PPP1R12B: variants seen among roughly 807,000 people sequenced by gnomAD.
PPP1R12B encodes the protein myosin phosphatase target subunit 2.
Under a neutral mutation model 126.1 loss-of-function variants are expected in PPP1R12B, and 76 were observed. The observed-to-expected ratio is 0.60, with a 90% CI of 0.50 to 0.73. The LOEUF is 0.73. Among genes scored for constraint, PPP1R12B ranks in the 30% least tolerant of loss-of-function variants. The pLI, the probability that PPP1R12B is intolerant of heterozygous loss-of-function variation, is 0.00. For synonymous variants in PPP1R12B, 356 were observed against 434.7 expected (o/e 0.82, Z 2.25); for missense variants, 1,052 against 1,205.1 (o/e 0.87, Z 1.88).
At chr1:202,414,955 A>G (rs891056871) in intron 1 of PPP1R12B, among the ~76,000 whole-genome samples, 6 of 151,844 alleles carry the variant, frequency 4.0e-5, no homozygotes, top group Admixed American at 1.3e-4. Flanking sequence ...GCTAATTTTT[A>G]ATTTTTTTGC....
chr1:202,429,936 A>C (rs915850928), intron 6 of PPP1R12B, among the ~76,000 whole-genome samples: 2 of 152,238 alleles, frequency 1.3e-5, no homozygotes, highest in African/African-American at 4.8e-5. Context: ...AGTCACATAC[A>C]TAAAACTCAT....
At chr1:202,386,812 A>AC (rs1444633215) in intron 1 of PPP1R12B, among the ~76,000 whole-genome samples, 2 of 151,938 alleles carry the variant, frequency 1.3e-5, no homozygotes, top group Non-Finnish European at 2.9e-5. Flanking sequence ...GCTAGTCTTC[A>AC]TGAAGGCCAT....
chr1:202,564,055 G>A (rs1022766496), intron 20 of PPP1R12B, among the ~76,000 whole-genome samples: 1 of 152,192 alleles, frequency 6.6e-6, no homozygotes, highest in Non-Finnish European at 1.5e-5. Flanking sequence ...GCAAGACCCT[G>A]TCTCCAAAGG....
chr1:202,572,692 CT>C (rs1485382345), intron 23 of PPP1R12B, among the ~76,000 whole-genome samples: 1 of 152,186 alleles, frequency 6.6e-6, no homozygotes. Flanking sequence ...CATCAGCCTC[CT>C]TGTCAGACCT....
chr1:202,394,846 G>A (rs1212928511), intron 1 of PPP1R12B, among the ~76,000 whole-genome samples: 2 of 151,976 alleles, frequency 1.3e-5, no homozygotes, highest in African/African-American at 4.8e-5. Flanking sequence ...ATTTGGGCTG[G>A]ACCTGGTGGT....
In PPP1R12B at chr1:202,519,884, G is replaced by A. The variant is rs561200682; in HGVS notation, c.2490+23062G>A. Among the ~76,000 whole-genome samples, 4 of 152,210 alleles carry A rather than the reference G, an allele frequency of 2.6e-5. No individual in the cohort carries two copies. The East Asian group carries it at 5.8e-4, about 22-fold the overall frequency. On this transcript the variant is annotated intron_variant, in intron 18 of 23. Transcript: ENST00000608999. ...TGTTGCGTCTGGGACTTGTGTGGAG[G>A]GTTTTTGTTTTGGTCTGGGTTGGTT...
In PPP1R12B at chr1:202,588,132, T is replaced by G. The variant is rs558660909; in HGVS notation, c.*7572T>G. 7 of 152,770 alleles carry G rather than the reference T, an allele frequency of 4.6e-5. No homozygotes were observed. Among genetic ancestry groups the G allele is most frequent in the Non-Finnish European group, 7.3e-5 (5 of 68,032 alleles). The allele number at this position is 152,770 out of a possible 1,614,324, so 9.5% of individuals were successfully genotyped here. A position where few individuals can be genotyped will look rare whatever the true frequency, so the allele number is the denominator to read the frequency against. The stretch of plus-strand genomic sequence containing the variant: ...TTATGGTTTTCCTTCCTCCTTGTCT[T>G]TGCCCTGACCTTGATCAACAGGGGT... On this transcript the variant is annotated 3_prime_UTR_variant, in exon 24 of 24. Coordinates refer to ENST00000608999, the MANE Select transcript of PPP1R12B (RefSeq NM_002481.4).
intron 18 of PPP1R12B, among the ~76,000 whole-genome samples, chr1:202,524,379 T>G (rs899909145): frequency 2.6e-5 from 4 of 152,184 alleles, no homozygotes; most frequent in Admixed American, 2.0e-4. Context: ...TTTATTTATT[T>G]TTCCCATAGA....
intron 18 of PPP1R12B, among the ~76,000 whole-genome samples, chr1:202,529,725 A>G (rs1683729753): frequency 1.3e-5 from 2 of 152,208 alleles, no homozygotes; most frequent in African/African-American, 4.8e-5. Flanking sequence ...CCAGGCAGTA[A>G]TACGTTTTGC....
rs916387888 is a variant in PPP1R12B, at chr1:202,590,084, T to C, written c.*9524T>C. 2 of 152,206 alleles carry C rather than the reference T, an allele frequency of 1.3e-5. No individual in the cohort carries two copies. Among genetic ancestry groups the C allele is most frequent in the African/African-American group, 4.8e-5 (2 of 41,432 alleles). 9.4% of individuals were successfully genotyped at this position (152,206 alleles called of 1,614,324 possible). ...GACGCCCTATCCCTGGTCCCTAACA[T>C]CTTTGCTTCAGAAGTTAAAGACATT... On this transcript the variant is annotated 3_prime_UTR_variant, in exon 24 of 24. Coordinates refer to ENST00000608999, the MANE Select transcript of PPP1R12B (RefSeq NM_002481.4).
At chr1:202,440,211 T>A (rs1326574481) in intron 10 of PPP1R12B, among the ~76,000 whole-genome samples, 1 of 152,214 alleles carries the variant, frequency 6.6e-6, no homozygotes, top group Non-Finnish European at 1.5e-5. Flanking sequence ...GTAATCACAG[T>A]CCTCTTGCTT....
rs191852951 is a variant in PPP1R12B at position 202,548,322 on chromosome 1, C to G, written c.2491-10555C>G. 2.6e-5 allele frequency among the ~76,000 whole-genome samples: 4 copies of G among 152,290 alleles called. No individual in the cohort carries two copies. The East Asian group carries it at 7.7e-4, about 29-fold the overall frequency. On this transcript the variant is annotated intron_variant, in intron 18 of 23. Transcript: ENST00000608999. Reference sequence around the variant, plus strand: ...AATGTAACAGAATTACAGGAACAGACAAACCTAGATTAGTAAAAAGTCAGA... The same window carrying G: ...AATGTAACAGAATTACAGGAACAGAGAAACCTAGATTAGTAAAAAGTCAGA...
chr1:202,415,068 C>T (rs1667892715), intron 1 of PPP1R12B, among the ~76,000 whole-genome samples: 1 of 152,170 alleles, frequency 6.6e-6, no homozygotes, highest in Non-Finnish European at 1.5e-5. Context: ...CATAAGTTAC[C>T]ATGCCTGGCC....
chr1:202,507,513 C>G (rs1469687815), intron 18 of PPP1R12B, among the ~76,000 whole-genome samples: 4 of 152,116 alleles, frequency 2.6e-5, no homozygotes, highest in Non-Finnish European at 5.9e-5. Context: ...CCATAACCAT[C>G]CATAACTATA....
chr1:202,391,232 C>T (rs561484809), intron 1 of PPP1R12B, among the ~76,000 whole-genome samples: 1 of 152,100 alleles, frequency 6.6e-6, no homozygotes, highest in Non-Finnish European at 1.5e-5. Flanking sequence ...TCTAAATAGA[C>T]ATGCCTCTAA....
At chr1:202,578,794 A>C (rs697459) in intron 23 of PPP1R12B, among the ~76,000 whole-genome samples, 3 of 152,148 alleles carry the variant, frequency 2.0e-5, no homozygotes, top group South Asian at 2.1e-4. Context: ...TGTTCTTACG[A>C]AAGTACAAAA....
At chr1:202,538,284 T>C (rs1217819913) in intron 18 of PPP1R12B, among the ~76,000 whole-genome samples, 1 of 152,222 alleles carries the variant, frequency 6.6e-6, no homozygotes, top group Non-Finnish European at 1.5e-5. Context: ...CGTGAGCCAT[T>C]GCACCTGGCA....
intron 22 of PPP1R12B, among the ~76,000 whole-genome samples, chr1:202,568,692 C>A (rs1688299846): frequency 6.6e-6 from 1 of 152,164 alleles, no homozygotes; most frequent in Non-Finnish European, 1.5e-5. Context: ...GTTTCTTAGA[C>A]AATGATGTCT....
chr1:202,449,049 T>C lies in PPP1R12B; in HGVS notation c.1728T>C (p.Ser576=), dbSNP rs756639562. The C allele has an allele frequency of 6.8e-6, 11 of 1,613,768 alleles. No homozygotes were observed. The highest frequency in any genetic ancestry group is 2.2e-5 in the East Asian group (1 of 44,878). Residue 576 remains serine (S), a synonymous_variant, in exon 13 of 24, where the codon TCT becomes TCC. Transcript: ENST00000608999. ...AGAAAACAGCAGACAATGTCTCTTC[T>C]AGCACCCCGCTCTGTGTGATCACCA... is the stretch of plus-strand genomic sequence containing the variant. The part of the protein sequence containing the change: ...TAEKTADNVS[S]STPLCVITNR...
Sources: gnomAD v4.1 joint callset for allele counts (sites outside exome capture counted in the v4.1 genomes callset) on GRCh38, gnomAD v4.1.1 for gene constraint, MANE v1.5 for transcripts, NCBI Gene and HGNC (gene_info 2026-07-23, HGNC 2026-07-21) for gene names.